Variants in SNX6 observed in about 807,000 individuals in gnomAD.
The protein encoded by SNX6 is sorting nexin-6.
A neutral mutation model predicts 63.0 loss-of-function variants in SNX6; 34 were observed. The ratio of observed to expected loss-of-function variants is 0.54; its 90% CI spans 0.41 to 0.72. The LOEUF (loss-of-function observed/expected upper bound fraction) is 0.72. Among genes scored for constraint, SNX6 ranks in the 30% least tolerant of loss-of-function variants. The pLI is 0.00. For synonymous variants in SNX6, 170 were observed against 164.2 expected, an observed-to-expected ratio of 1.04 and a Z score of -0.27; for missense variants, 398 against 471.4, an observed-to-expected ratio of 0.84 and a Z score of 1.44.
chr14:34,607,337 A>G (rs1277057338), intron 4 of SNX6, among the ~76,000 whole-genome samples: 1 of 151,992 alleles, frequency 6.6e-6, no homozygotes, highest in African/African-American at 2.4e-5. Context: ...TGAGTGTGGC[A>G]GCTCATGCCT....
At chr14:34,564,131 G>A (rs1881061855) in intron 13 of SNX6, among the ~76,000 whole-genome samples, 1 of 151,982 alleles carries the variant, frequency 6.6e-6, no homozygotes, top group Non-Finnish European at 1.5e-5. Flanking sequence ...GGGTTCAAGC[G>A]ATCCTTCTGG....
chr14:34,626,206 G>A (rs957602782), intron 2 of SNX6, among the ~76,000 whole-genome samples: 4 of 152,134 alleles, frequency 2.6e-5, no homozygotes, highest in African/African-American at 9.7e-5. Flanking sequence ...GAAGAACTGG[G>A]TAAGTGTATA....
At chr14:34,587,587 A>G (rs918892674) in intron 8 of SNX6, among the ~76,000 whole-genome samples, 5 of 150,336 alleles carry the variant, frequency 3.3e-5, no homozygotes, top group Non-Finnish European at 7.4e-5. Context: ...GGAGACAAAA[A>G]TCCTGGGCGA....
chr14:34,563,285 G>A (rs1230011134), intron 13 of SNX6, 110 bp from the exon 14 acceptor site: 22 of 1,063,334 alleles, frequency 2.1e-5, no homozygotes, highest in Non-Finnish European at 2.8e-5. Context: ...GAAGCCGGGC[G>A]CGGTGGCTCA....
intron 7 of SNX6, among the ~76,000 whole-genome samples, chr14:34,597,278 A>T (rs1882641994): frequency 6.6e-6 from 1 of 152,176 alleles, no homozygotes; most frequent in African/African-American, 2.4e-5. Context: ...GAGACAGCGG[A>T]TTCTAGAAAC....
chr14:34,629,521 A>G (rs570336767), intron 2 of SNX6: 1 of 504,490 alleles, frequency 2.0e-6, no homozygotes, highest in East Asian at 5.4e-5. Flanking sequence ...ACACCGGGTG[A>G]AAATTGAGGG....
At chr14:34,587,141 G>A (rs1380497682) in intron 8 of SNX6, among the ~76,000 whole-genome samples, 1 of 151,712 alleles carries the variant, frequency 6.6e-6, no homozygotes, top group Non-Finnish European at 1.5e-5. Context: ...TAATAAGTGA[G>A]TTTATTTAGC....
At chr14:34,609,614 T>C in intron 3 of SNX6, 24 bp downstream of exon 3, 4 of 1,480,446 alleles carry the variant, frequency 2.7e-6, no homozygotes, top group South Asian at 1.2e-5. Context: ...GCTAAAATAA[T>C]AGAAAGTACA....
intron 8 of SNX6, among the ~76,000 whole-genome samples, chr14:34,586,842 T>C (rs1466247338): frequency 6.6e-6 from 1 of 151,476 alleles, no homozygotes; most frequent in Non-Finnish European, 1.5e-5. Context: ...ACCCCGTCTC[T>C]ACTAAAAATA....
intron 2 of SNX6, among the ~76,000 whole-genome samples, chr14:34,610,654 T>C (rs1883193389): frequency 6.6e-6 from 1 of 152,204 alleles, no homozygotes; most frequent in South Asian, 2.1e-4. Context: ...ATATATTTCC[T>C]ATTTAGTGCT....
At chr14:34,614,507 C>A (rs1466630954) in intron 2 of SNX6, among the ~76,000 whole-genome samples, 1 of 152,048 alleles carries the variant, frequency 6.6e-6, no homozygotes, top group East Asian at 1.9e-4. Flanking sequence ...GAACGTCAGG[C>A]AAAGGCCCTT....
intron 10 of SNX6, among the ~76,000 whole-genome samples, chr14:34,578,857 T>G (rs551315526): frequency 7.2e-6 from 1 of 139,212 alleles, no homozygotes; most frequent in African/African-American, 2.6e-5. Flanking sequence ...GCGAATTGCT[T>G]GAACCTGGGA....
intron 10 of SNX6, among the ~76,000 whole-genome samples, chr14:34,577,001 G>A (rs903934786): frequency 2.0e-4 from 30 of 151,892 alleles, no homozygotes; most frequent in African/African-American, 7.2e-4. Flanking sequence ...AGTGAGCCAA[G>A]ATTGAGCCAC....
At chr14:34,581,024 A>G (rs1184110024) in intron 10 of SNX6, among the ~76,000 whole-genome samples, 1 of 152,216 alleles carries the variant, frequency 6.6e-6, no homozygotes. Context: ...AAAACTCCCA[A>G]TGGAATCCAA....
intron 10 of SNX6, among the ~76,000 whole-genome samples, chr14:34,579,137 A>T (rs1881837931): frequency 1.3e-5 from 2 of 151,920 alleles, no homozygotes; most frequent in Non-Finnish European, 2.9e-5. Flanking sequence ...GAAGCTTTTC[A>T]CGTGGTTATC....
Position 34,567,984 on chromosome 14 carries a change from T to C in SNX6, c.951A>G (p.Leu317=), listed in dbSNP as rs139160191. 26 of 1,611,926 alleles carry C rather than the reference T, an allele frequency of 1.6e-5. No homozygotes were observed. The African/African-American group carries it at 3.3e-4, about 21-fold the overall frequency. Residue 317 remains leucine, a synonymous_variant, in exon 12 of 14, where the codon CTA becomes CTG. Coordinates refer to ENST00000362031, the MANE Select transcript of SNX6 (RefSeq NM_152233.4). ...KDLLYRRSRS[L]VDYENANKAL... is the part of the protein sequence containing the mutation. ...CTTTATTAGCATTTTCATAATCCAC[T>C]AGTGACCTAGACCTTCGATACAGGA...
intron 2 of SNX6, among the ~76,000 whole-genome samples, chr14:34,624,495 A>G (rs1204145672): frequency 1.3e-5 from 2 of 152,128 alleles, no homozygotes. Flanking sequence ...TAAAACACTG[A>G]CTTTAATTTT....
intron 7 of SNX6, 86 bp from the exon 8 acceptor site, chr14:34,593,236 A>G (rs377522553): frequency 2.5e-6 from 2 of 807,930 alleles, no homozygotes; most frequent in East Asian, 2.8e-5. Context: ...AATATAAAAG[A>G]TCATCAGTAA....
intron 10 of SNX6, 95 bp from the exon 11 acceptor site, chr14:34,575,937 T>C: frequency 1.5e-6 from 1 of 671,270 alleles, no homozygotes; most frequent in South Asian, 1.9e-5. Flanking sequence ...TTTGTTTTTT[T>C]TTTTGAGACG....
Sources: gnomAD v4.1 joint callset for allele counts (sites outside exome capture counted in the v4.1 genomes callset) on GRCh38, gnomAD v4.1.1 for gene constraint, MANE v1.5 for transcripts, NCBI Gene and HGNC (gene_info 2026-07-23, HGNC 2026-07-21) for gene names.